MAST2: variants seen among roughly 807,000 people sequenced by gnomAD.
The protein encoded by MAST2 is microtubule associated serine/threonine kinase 2.
In MAST2, 70 loss-of-function variants were observed where a neutral mutation model predicts 147.4. That is an observed-to-expected ratio of 0.47 (90% CI 0.39 to 0.58). The LOEUF is 0.58. Among genes scored for constraint, MAST2 ranks in the 20% least tolerant of loss-of-function variants. MAST2 has a pLI of 0.00. For missense variants in MAST2, 2,080 were observed against 2,302.3 expected, an observed-to-expected ratio of 0.90 and a Z score of 1.98; for synonymous variants, 869 against 896.8, an observed-to-expected ratio of 0.97 and a Z score of 0.55.
intron 5 of MAST2, among the ~76,000 whole-genome samples, chr1:45,981,545 G>T (rs1270097680): frequency 6.6e-6 from 1 of 152,160 alleles, no homozygotes. Context: ...TGGCCAATTT[G>T]TCAGTTTTAC....
intron 5 of MAST2, among the ~76,000 whole-genome samples, chr1:45,995,727 T>C (rs983758651): frequency 2.6e-5 from 4 of 152,210 alleles, no homozygotes; most frequent in African/African-American, 9.7e-5. Context: ...CCCTCTAAAC[T>C]GCTTTTAAGC....
At chr1:45,919,826 G>A (rs543351316) in intron 4 of MAST2, among the ~76,000 whole-genome samples, 2 of 148,984 alleles carry the variant, frequency 1.3e-5, no homozygotes, top group African/African-American at 2.5e-5. Flanking sequence ...TTACTAACAT[G>A]TGTGGTCACT....
chr1:46,020,625 G>A (rs138988904), intron 11 of MAST2, among the ~76,000 whole-genome samples: 443 of 152,250 alleles, frequency 2.9e-3, no homozygotes, highest in Non-Finnish European at 4.6e-3. Flanking sequence ...TAGAATCGTG[G>A]CCACAGCTGA....
chr1:45,938,437 C>G (rs1656620070), intron 4 of MAST2, among the ~76,000 whole-genome samples: 2 of 152,038 alleles, frequency 1.3e-5, no homozygotes, highest in African/African-American at 4.8e-5. Context: ...AATCCTCCTG[C>G]CTCAGCCTCC....
intron 5 of MAST2, among the ~76,000 whole-genome samples, chr1:45,975,493 T>G (rs1271162837): frequency 1.7e-5 from 1 of 57,568 alleles, no homozygotes; most frequent in Non-Finnish European, 3.6e-5. Context: ...TCCCTGTCTC[T>G]CCAAAAAAAA....
intron 2 of MAST2, among the ~76,000 whole-genome samples, chr1:45,827,899 C>T (rs554897292): frequency 6.6e-6 from 1 of 152,222 alleles, no homozygotes. Context: ...GACCATGCCT[C>T]ACTGAAGCCT....
At chr1:45,984,800 C>G (rs1306808521) in intron 5 of MAST2, among the ~76,000 whole-genome samples, 3 of 152,022 alleles carry the variant, frequency 2.0e-5, no homozygotes, top group Admixed American at 2.0e-4. Flanking sequence ...CTGCAATGAG[C>G]TGTGATTGAG....
At chr1:45,835,748 A>C (rs147030590) in intron 3 of MAST2, among the ~76,000 whole-genome samples, 1 of 152,186 alleles carries the variant, frequency 6.6e-6, no homozygotes, top group Non-Finnish European at 1.5e-5. Context: ...CTACCCATTA[A>C]ACAGTCATTA....
In MAST2 at chr1:46,034,676, A is replaced by G. The variant is rs374091979; in HGVS notation, c.4007A>G (p.Lys1336Arg). ...CGCCAGTACCGCTCTCCACGGCGCA[A>G]GTCAGCAGGCAGCATCCCACTGTCA... ...LQRQYRSPRR[K>R]SAGSIPLSPL... The change falls in exon 29 of 29, where the codon AAG becomes AGG. Residue 1336 changes from lysine (K) to arginine (R), a missense_variant. Lys to Arg is a conservative substitution (Grantham distance 26, BLOSUM62 2). This residue lies in a region of MAST2 where 1,278 missense variants were observed against 1,304.2 expected (regional missense o/e 0.98). Transcript: ENST00000361297. 16 of 1,614,030 alleles carry G rather than the reference A, an allele frequency of 9.9e-6. No individual in the cohort carries two copies. The Admixed American group carries it at 2.0e-4, about 20-fold the overall frequency.
intron 10 of MAST2, among the ~76,000 whole-genome samples, chr1:46,017,083 C>T (rs927164876): frequency 6.6e-6 from 1 of 152,068 alleles, no homozygotes; most frequent in Non-Finnish European, 1.5e-5. Flanking sequence ...GAAAGGATTC[C>T]CTATTTAATA....
intron 5 of MAST2, among the ~76,000 whole-genome samples, chr1:45,990,252 A>G (rs370677809): frequency 1.3e-5 from 2 of 152,218 alleles, no homozygotes; most frequent in South Asian, 2.1e-4. Context: ...GGTATGTATG[A>G]GTATCCAATT....
At chr1:45,961,199 C>T (rs1364571872) in intron 5 of MAST2, among the ~76,000 whole-genome samples, 2 of 151,942 alleles carry the variant, frequency 1.3e-5, no homozygotes, top group Non-Finnish European at 2.9e-5. Context: ...CATACTTGAC[C>T]TTTAAAGCAA....
At chr1:46,007,633 G>A (rs902878877) in intron 8 of MAST2, among the ~76,000 whole-genome samples, 1 of 152,188 alleles carries the variant, frequency 6.6e-6, no homozygotes, top group Non-Finnish European at 1.5e-5. Flanking sequence ...AGTAAACTGG[G>A]CAAGACCCAC....
chr1:45,932,576 G>A (rs1327709242), intron 4 of MAST2, among the ~76,000 whole-genome samples: 1 of 152,112 alleles, frequency 6.6e-6, no homozygotes, highest in Non-Finnish European at 1.5e-5. Context: ...GGGAGGCTGA[G>A]GCACGAGAAT....
chr1:46,005,549 C>T (rs569887155), intron 7 of MAST2, among the ~76,000 whole-genome samples: 2 of 152,278 alleles, frequency 1.3e-5, no homozygotes, highest in East Asian at 3.9e-4. Context: ...CGAGCACCCT[C>T]CCTCAGATGG....
chr1:45,902,615 T>A (rs1649972859), intron 4 of MAST2, among the ~76,000 whole-genome samples: 1 of 152,044 alleles, frequency 6.6e-6, no homozygotes, highest in Non-Finnish European at 1.5e-5. Flanking sequence ...TCCTGGGCTT[T>A]TTTTTTTGGT....
At chr1:45,953,839 T>C (rs1366562424) in intron 4 of MAST2, among the ~76,000 whole-genome samples, 1 of 152,144 alleles carries the variant, frequency 6.6e-6, no homozygotes, top group Non-Finnish European at 1.5e-5. Flanking sequence ...TAGGAGGGTA[T>C]TGAAATCCAG....
intron 5 of MAST2, among the ~76,000 whole-genome samples, chr1:45,978,773 G>A (rs533771440): frequency 1.3e-5 from 2 of 152,278 alleles, no homozygotes; most frequent in South Asian, 4.1e-4. Context: ...AAATGTCCAG[G>A]ATACACAATT....
intron 3 of MAST2, among the ~76,000 whole-genome samples, chr1:45,837,835 G>A (rs566707306): frequency 1.9e-4 from 29 of 152,112 alleles, no homozygotes; most frequent in Non-Finnish European, 1.2e-4. Context: ...CTAAAGTGCC[G>A]TGGCACAATC....
Sources: gnomAD v4.1 joint callset for allele counts (sites outside exome capture counted in the v4.1 genomes callset) on GRCh38, gnomAD v4.1.1 for gene constraint, gnomAD v4.1.1 regional missense constraint, MANE v1.5 for transcripts, NCBI Gene and HGNC (gene_info 2026-07-23, HGNC 2026-07-21) for gene names.